SLC5A1: variants seen among roughly 807,000 people sequenced by gnomAD.
SLC5A1 encodes solute carrier family 5 member 1, also known as sodium/glucose cotransporter 1.
A neutral mutation model predicts 73.5 loss-of-function variants in SLC5A1; 42 were observed. The observed-to-expected ratio is 0.57, with a 90% CI of 0.45 to 0.74. SLC5A1 has a LOEUF of 0.74. SLC5A1 is among the 30% of genes least tolerant of loss of function. The pLI is 0.00. For missense variants in SLC5A1, 634 were observed against 855.4 expected, an observed-to-expected ratio of 0.74 and a Z score of 3.23; for synonymous variants, 300 against 317.4, an observed-to-expected ratio of 0.95 and a Z score of 0.58.
intron 2 of SLC5A1, among the ~76,000 whole-genome samples, chr22:32,057,666 C>T (rs996734159): frequency 1.1e-4 from 17 of 152,116 alleles, no homozygotes; most frequent in Non-Finnish European, 4.4e-5. Context: ...AATATGTAAA[C>T]GTGAATCACT....
intron 14 of SLC5A1, among the ~76,000 whole-genome samples, chr22:32,105,574 C>T (rs1029059783): frequency 6.6e-5 from 10 of 152,186 alleles, no homozygotes; most frequent in Non-Finnish European, 1.5e-4. Context: ...GGATTACAGG[C>T]ATAAGCCACC....
At position 32,043,500 on chromosome 22, in the gene SLC5A1, G is replaced by T. The variant is rs940968974; in HGVS notation, c.135+84G>T. The T allele has an allele frequency of 1.0e-5, 15 of 1,452,972 alleles. No homozygotes were observed. In the African/African-American group the frequency reaches 1.8e-4, roughly 18 times the overall value. The allele number at this position is 1,452,972 out of a possible 1,614,324, so 90.0% of individuals were successfully genotyped here. A position where few individuals can be genotyped will look rare whatever the true frequency, so the allele number is the denominator to read the frequency against. The stretch of plus-strand genomic sequence containing the variant: ...CCTCGCTGAGCTGCAAGGGGCAGTA[G>T]GCTTAAGTGTCGGTGGAGGGGAGAG... On this transcript the variant is annotated intron_variant, in intron 1 of 14. Transcript: ENST00000266088. This position sits in a 1 kb window ranked among gnomAD's most constrained non-coding sequence, Gnocchi z 6.5.
intron 2 of SLC5A1, among the ~76,000 whole-genome samples, chr22:32,051,696 C>T (rs2093945326): frequency 6.6e-6 from 1 of 152,012 alleles, no homozygotes; most frequent in Non-Finnish European, 1.5e-5. Flanking sequence ...AAAACAAAAA[C>T]AACAACAACA....
intron 10 of SLC5A1, 112 bp downstream of exon 10, chr22:32,086,439 G>A: frequency 3.9e-6 from 3 of 775,352 alleles, no homozygotes; most frequent in South Asian, 1.4e-5. Flanking sequence ...TTAGCCGGGG[G>A]GTTAGAAGGG....
At chr22:32,095,671 T>C (rs1484280010) in intron 11 of SLC5A1, among the ~76,000 whole-genome samples, 1 of 152,252 alleles carries the variant, frequency 6.6e-6, no homozygotes, top group African/African-American at 2.4e-5. Flanking sequence ...GAAGAGCTAC[T>C]TGTGCTCACT....
At chr22:32,064,366 C>T (rs917917995) in intron 2 of SLC5A1, among the ~76,000 whole-genome samples, 4 of 152,038 alleles carry the variant, frequency 2.6e-5, no homozygotes, top group East Asian at 1.9e-4. Flanking sequence ...TGTGGTGGTG[C>T]GCGCCTGTAG....
chr22:32,108,465 A>G (rs1173772035), intron 14 of SLC5A1, among the ~76,000 whole-genome samples: 2 of 152,106 alleles, frequency 1.3e-5, no homozygotes, highest in Admixed American at 6.5e-5. Flanking sequence ...CAGTGATCCT[A>G]GCTTATTACT....
intron 5 of SLC5A1, among the ~76,000 whole-genome samples, chr22:32,076,652 A>C (rs1457896937): frequency 6.6e-6 from 1 of 152,242 alleles, no homozygotes; most frequent in African/African-American, 2.4e-5. Flanking sequence ...AAATTTGAGT[A>C]ATGGGGCTTC....
At chr22:32,097,178 C>CTGGAT (rs1314514824) in intron 11 of SLC5A1, among the ~76,000 whole-genome samples, 2 of 152,228 alleles carry the variant, frequency 1.3e-5, no homozygotes, top group Non-Finnish European at 2.9e-5. Context: ...TGTCCCAGTC[C>CTGGAT]TGGATGAGCT....
rs202174835 is a variant in SLC5A1 at position 32,110,537 on chromosome 22, G to A, written c.*324G>A. On this transcript the variant is annotated 3_prime_UTR_variant, in exon 15 of 15. Coordinates refer to ENST00000266088, the MANE Select transcript of SLC5A1 (RefSeq NM_000343.4). ...TGAGTCTGTCTCAGGTAGATTCCGG[G>A]TGTCAGTGTGGTTTATAATCCTTGA... is the stretch of plus-strand genomic sequence containing the variant. The A allele has an allele frequency of 4.9e-6, 2 of 411,398 alleles. No homozygotes were observed. The highest frequency in any genetic ancestry group is 4.6e-6 in the Non-Finnish European group (1 of 218,978). The allele number at this position is 411,398 out of a possible 1,614,324, so 25.5% of individuals were successfully genotyped here.
intron 6 of SLC5A1, 40 bp from the exon 7 acceptor site, chr22:32,083,034 T>G (rs771560599): frequency 6.3e-7 from 1 of 1,583,012 alleles, no homozygotes; most frequent in Admixed American, 1.7e-5. Context: ...CAGGTCACCC[T>G]CCACACGAGG....
In SLC5A1 at chr22:32,075,425, T is replaced by A. The variant is rs574098739; in HGVS notation, c.478-6441T>A. Among the ~76,000 whole-genome samples, 4 of 152,254 alleles carry A rather than the reference T, an allele frequency of 2.6e-5. No individual in the cohort carries two copies. The South Asian group carries it at 8.3e-4, about 32-fold the overall frequency. On this transcript the variant is annotated intron_variant, in intron 5 of 14. Transcript: ENST00000266088. Reference sequence around the variant, plus strand: ...ATGGGATAGATCATGTGGTCTTATGTTCTGCGCTTTCATTTTACAGATGGA... The same window carrying A: ...ATGGGATAGATCATGTGGTCTTATGATCTGCGCTTTCATTTTACAGATGGA...
intron 7 of SLC5A1, among the ~76,000 whole-genome samples, chr22:32,083,599 T>C (rs1055866813): frequency 6.6e-6 from 1 of 152,194 alleles, no homozygotes; most frequent in African/African-American, 2.4e-5. Flanking sequence ...TGGGTGATAA[T>C]GTTCCTTTTA....
intron 1 of SLC5A1, among the ~76,000 whole-genome samples, chr22:32,044,400 C>T (rs1211499923): frequency 6.6e-6 from 1 of 152,128 alleles, no homozygotes; most frequent in Admixed American, 6.5e-5. Context: ...GTGATAAGCC[C>T]AGGGAGGCTG....
At chr22:32,090,018 C>T (rs1403831508) in intron 10 of SLC5A1, among the ~76,000 whole-genome samples, 1 of 151,464 alleles carries the variant, frequency 6.6e-6, no homozygotes, top group African/African-American at 2.4e-5. Flanking sequence ...GGAAGGTATC[C>T]CTGTTTAACA....
intron 14 of SLC5A1, among the ~76,000 whole-genome samples, chr22:32,105,570 C>T (rs1012134259): frequency 6.6e-5 from 10 of 152,182 alleles, no homozygotes; most frequent in Admixed American, 1.3e-4. Context: ...ATTGGGATTA[C>T]AGGCATAAGC....
chr22:32,074,946 G>A (rs925534696), intron 5 of SLC5A1, among the ~76,000 whole-genome samples: 1 of 152,110 alleles, frequency 6.6e-6, no homozygotes, highest in African/African-American at 2.4e-5. Flanking sequence ...GCCCAGGCTG[G>A]AGTGTAGTGG....
intron 2 of SLC5A1, among the ~76,000 whole-genome samples, chr22:32,061,401 C>T (rs1474948950): frequency 2.0e-5 from 3 of 150,244 alleles, no homozygotes; most frequent in Non-Finnish European, 4.4e-5. Flanking sequence ...GGTGACAGAG[C>T]GAGACTCTGT....
chr22:32,066,881 T>C, intron 2 of SLC5A1, 54 bp from the exon 3 acceptor site: 1 of 1,257,874 alleles, frequency 7.9e-7, no homozygotes, highest in Non-Finnish European at 1.2e-6. Context: ...TGACCCACTC[T>C]GAGTGTCCTG....
Sources: allele counts gnomAD v4.1 joint callset (sites outside exome capture counted in the v4.1 genomes callset), GRCh38; gene constraint gnomAD v4.1.1; non-coding constraint Gnocchi (gnomAD v3.1); transcripts MANE v1.5; gene names NCBI Gene and HGNC (gene_info 2026-07-23, HGNC 2026-07-21).